Variants in AFF3 observed in about 807,000 individuals in gnomAD.
The protein encoded by AFF3 is AF4/FMR2 family member 3.
AFF3 carries 32 observed loss-of-function variants against 129.7 expected under a neutral mutation model. That is an observed-to-expected ratio of 0.25 (90% confidence interval 0.19 to 0.33). The LOEUF is 0.33. Ranked by LOEUF, AFF3 falls within the 10% of genes least tolerant of loss-of-function variation. AFF3 has a pLI of 1.00. For missense variants in AFF3, 1,373 were observed against 1,592.0 expected (o/e 0.86, Z 2.34); for synonymous variants, 644 against 635.4 (o/e 1.01, Z -0.20).
intron 13 of AFF3, among the ~76,000 whole-genome samples, chr2:99,634,497 G>A (rs1683432669): frequency 6.6e-6 from 1 of 152,182 alleles, no homozygotes; most frequent in African/African-American, 2.4e-5. Flanking sequence ...GAAGGCCGGT[G>A]CCCAGAGAAA....
At chr2:99,886,189 C>T (rs1056389383) in intron 7 of AFF3, among the ~76,000 whole-genome samples, 1 of 152,218 alleles carries the variant, frequency 6.6e-6, no homozygotes, top group African/African-American at 2.4e-5. Flanking sequence ...AGTTAGATTG[C>T]ACCTTTCCTA....
intron 20 of AFF3, among the ~76,000 whole-genome samples, chr2:99,563,198 T>C (rs1675635965): frequency 6.6e-6 from 1 of 151,582 alleles, no homozygotes; most frequent in South Asian, 2.1e-4. Context: ...TCTTTTTTTT[T>C]TTTCTTTCTT....
At chr2:100,117,897 G>A (rs1039011799) in intron 2 of AFF3, among the ~76,000 whole-genome samples, 1 of 152,126 alleles carries the variant, frequency 6.6e-6, no homozygotes, top group African/African-American at 2.4e-5. Context: ...ATTTCTTCTA[G>A]TGTATGCTTT....
intron 4 of AFF3, among the ~76,000 whole-genome samples, chr2:100,025,298 T>C (rs1573165167): frequency 1.3e-5 from 2 of 151,508 alleles, no homozygotes; most frequent in African/African-American, 4.9e-5. Flanking sequence ...TCTTTTACAA[T>C]AGCTGCAAAA....
intron 7 of AFF3, among the ~76,000 whole-genome samples, chr2:99,908,670 AAAC>A (rs754479317): frequency 3.3e-5 from 5 of 152,116 alleles, no homozygotes; most frequent in Non-Finnish European, 7.4e-5. Flanking sequence ...CAAAGGATAT[AAAC>A]AGACACTTCT....
chr2:99,986,201 AAATAATAATAATAATAATAAT>A (rs35535526), intron 7 of AFF3, among the ~76,000 whole-genome samples: 8 of 137,108 alleles, frequency 5.8e-5, no homozygotes, highest in African/African-American at 1.1e-4. Context: ...ACTTCATCTC[AAATAATAATAATAATAATAAT>A]AATAATAATA....
At chr2:99,648,109 G>T (rs1684854467) in intron 13 of AFF3, among the ~76,000 whole-genome samples, 1 of 152,030 alleles carries the variant, frequency 6.6e-6, no homozygotes, top group Non-Finnish European at 1.5e-5. Context: ...AGGTCATAAT[G>T]ACCTTTTTTT....
intron 13 of AFF3, among the ~76,000 whole-genome samples, chr2:99,628,882 A>C (rs1461914966): frequency 1.3e-5 from 2 of 151,992 alleles, no homozygotes; most frequent in Admixed American, 1.3e-4. Context: ...CACCATGCCC[A>C]GTTAATTTTT....
At chr2:99,921,904 T>G (rs73964365) in intron 7 of AFF3, among the ~76,000 whole-genome samples, 23 of 152,228 alleles carry the variant, frequency 1.5e-4, no homozygotes, top group African/African-American at 5.3e-4. Context: ...GGCAAAAGAT[T>G]TGAAGAAACC....
chr2:99,744,738 A>G (rs1015579738), intron 9 of AFF3, among the ~76,000 whole-genome samples: 1 of 152,170 alleles, frequency 6.6e-6, no homozygotes, highest in Non-Finnish European at 1.5e-5. Context: ...ATGGCTGAAT[A>G]ATATTGCGTC....
At chr2:100,033,863 A>T (rs1232347643) in intron 4 of AFF3, among the ~76,000 whole-genome samples, 1 of 152,164 alleles carries the variant, frequency 6.6e-6, no homozygotes, top group Non-Finnish European at 1.5e-5. Context: ...TATATAATAA[A>T]ATTATGTAGT....
At chr2:100,047,446 C>A (rs1398684789) in intron 4 of AFF3, among the ~76,000 whole-genome samples, 1 of 152,190 alleles carries the variant, frequency 6.6e-6, no homozygotes, top group Non-Finnish European at 1.5e-5. Flanking sequence ...AATGCTGAGT[C>A]TTACAATTCT....
At chr2:99,806,324 G>C (rs1203608256) in intron 8 of AFF3, among the ~76,000 whole-genome samples, 1 of 152,158 alleles carries the variant, frequency 6.6e-6, no homozygotes, top group African/African-American at 2.4e-5. Flanking sequence ...GTGGGGTATG[G>C]GATATGCAAC....
chr2:99,557,661 G>A (rs975342443), intron 22 of AFF3, among the ~76,000 whole-genome samples: 8 of 152,148 alleles, frequency 5.3e-5, no homozygotes, highest in African/African-American at 1.4e-4. Flanking sequence ...TGAAGGAAAG[G>A]GAAGGCTCAG....
chr2:100,061,640 C>T (rs956366379), intron 4 of AFF3, among the ~76,000 whole-genome samples: 6 of 152,164 alleles, frequency 3.9e-5, no homozygotes, highest in African/African-American at 1.4e-4. Flanking sequence ...AGTTTCCAAG[C>T]AATGACAGAT....
chr2:99,986,297 C>T (rs13032879), intron 7 of AFF3, among the ~76,000 whole-genome samples: 20,918 of 150,796 alleles, frequency 0.14, 2,080 homozygotes, highest in East Asian at 0.49. Context: ...TCAACCATAG[C>T]GTTTACTCAC....
intron 8 of AFF3, among the ~76,000 whole-genome samples, chr2:99,794,102 T>C (rs1338701605): frequency 2.0e-5 from 3 of 152,222 alleles, no homozygotes; most frequent in African/African-American, 7.2e-5. Flanking sequence ...AATTTTGTTT[T>C]GGCCAGAAAA....
chr2:99,815,562 T>A (rs766547004), intron 8 of AFF3, among the ~76,000 whole-genome samples: 5 of 127,328 alleles, frequency 3.9e-5, no homozygotes, highest in Non-Finnish European at 8.7e-5. Context: ...CTATATCATA[T>A]TCCTTCTGCC....
intron 13 of AFF3, chr2:99,630,714 G>A (rs1045991536): frequency 6.3e-6 from 1 of 159,778 alleles, no homozygotes; most frequent in Non-Finnish European, 1.4e-5. Flanking sequence ...GACAGAGAGT[G>A]AGCAAAGAGA....
Sources: gnomAD v4.1 joint callset for allele counts (sites outside exome capture counted in the v4.1 genomes callset) on GRCh38, gnomAD v4.1.1 for gene constraint, MANE v1.5 for transcripts, NCBI Gene and HGNC (gene_info 2026-07-23, HGNC 2026-07-21) for gene names.